The following TSGA10 variants were observed in gnomAD, a reference collection of about 807,000 sequenced individuals.
The protein encoded by TSGA10 is testis specific 10.
Under a neutral mutation model 96.6 loss-of-function variants are expected in TSGA10, and 43 were observed. The observed-to-expected ratio is 0.44, with a 90% confidence interval of 0.35 to 0.57. TSGA10 has a LOEUF of 0.57. Among genes scored for constraint, TSGA10 ranks in the 20% least tolerant of loss-of-function variants. The pLI is 0.01. For missense variants in TSGA10, 703 were observed against 834.4 expected, an observed-to-expected ratio of 0.84 and a Z score of 1.94; for synonymous variants, 229 against 269.9, an observed-to-expected ratio of 0.85 and a Z score of 1.48.
At chr2:99,034,978 T>C (rs906717720) in intron 17 of TSGA10, among the ~76,000 whole-genome samples, 3 of 152,172 alleles carry the variant, frequency 2.0e-5, no homozygotes, top group African/African-American at 7.2e-5. Flanking sequence ...CTGATCGCTA[T>C]GTCAATGTGT....
chr2:99,040,753 A>C (rs1346480743), intron 16 of TSGA10, among the ~76,000 whole-genome samples: 2 of 152,034 alleles, frequency 1.3e-5, no homozygotes, highest in Non-Finnish European at 2.9e-5. Context: ...TCTTCATAGA[A>C]CCAGAAAAAA....
intron 10 of TSGA10, among the ~76,000 whole-genome samples, chr2:99,088,682 C>G (rs2104662596): frequency 6.6e-6 from 1 of 152,284 alleles, no homozygotes; most frequent in South Asian, 2.1e-4. Context: ...TAATTCCACT[C>G]TTATTTATTC....
intron 12 of TSGA10, among the ~76,000 whole-genome samples, chr2:99,074,305 C>T (rs1319670293): frequency 1.3e-5 from 2 of 151,304 alleles, no homozygotes; most frequent in African/African-American, 2.4e-5. Flanking sequence ...TAAGCCACTG[C>T]GCCCGGCCGT....
chr2:99,032,303 G>C (rs1429891456), intron 17 of TSGA10, among the ~76,000 whole-genome samples: 1 of 152,092 alleles, frequency 6.6e-6, no homozygotes, highest in Admixed American at 6.5e-5. Context: ...CCTTTGAAAA[G>C]GGCAAAAGAC....
chr2:99,131,430 C>G (rs1025388809), intron 1 of TSGA10, among the ~76,000 whole-genome samples: 3 of 151,874 alleles, frequency 2.0e-5, no homozygotes, highest in Non-Finnish European at 4.4e-5. Context: ...TTGTCTATTA[C>G]TGGTGTATAG....
At chr2:99,074,000 C>CTTTTTTTTTTTT (rs1167854716) in intron 12 of TSGA10, among the ~76,000 whole-genome samples, 843 of 52,626 alleles carry the variant, frequency 0.016, 155 homozygotes, top group Non-Finnish European at 0.019. Flanking sequence ...TGTTTCTTTT[C>CTTTTTTTTTTTT]TTTTTTTTTT....
intron 1 of TSGA10, chr2:99,141,246 G>C: frequency 1.1e-6 from 1 of 929,502 alleles, no homozygotes; most frequent in Non-Finnish European, 1.4e-6. Flanking sequence ...TCCTGGCCCC[G>C]CCCCGGCGGA....
intron 16 of TSGA10, among the ~76,000 whole-genome samples, chr2:99,049,069 G>A (rs2083108284): frequency 6.6e-6 from 1 of 152,218 alleles, no homozygotes; most frequent in Non-Finnish European, 1.5e-5. Context: ...TCATTAAAAT[G>A]TCAGGAAACA....
chr2:99,090,298 A>G (rs1031328028), intron 10 of TSGA10, among the ~76,000 whole-genome samples: 1 of 152,208 alleles, frequency 6.6e-6, no homozygotes, highest in African/African-American at 2.4e-5. Context: ...CCTCTGACAT[A>G]GCCTACCCAA....
intron 20 of TSGA10, among the ~76,000 whole-genome samples, chr2:99,006,437 G>A (rs28840097): frequency 0.072 from 10,998 of 151,810 alleles, 798 homozygotes; most frequent in East Asian, 0.21. Context: ...GAACTCAAAC[G>A]AATTTACAAG....
intron 2 of TSGA10, among the ~76,000 whole-genome samples, chr2:99,120,234 A>G (rs1174124842): frequency 6.6e-6 from 1 of 152,186 alleles, no homozygotes; most frequent in Non-Finnish European, 1.5e-5. Flanking sequence ...AAAACAAATT[A>G]TTAGTAATAT....
chr2:99,095,416 TA>T (rs1017898402), intron 10 of TSGA10, among the ~76,000 whole-genome samples: 2 of 151,800 alleles, frequency 1.3e-5, no homozygotes, highest in African/African-American at 2.4e-5. Context: ...TAAAATAAAA[TA>T]AAAAATAAAA....
intron 12 of TSGA10, among the ~76,000 whole-genome samples, chr2:99,075,118 C>T (rs1216277959): frequency 6.6e-6 from 1 of 152,092 alleles, no homozygotes; most frequent in Non-Finnish European, 1.5e-5. Flanking sequence ...ATAACATATA[C>T]TCTTAGCCTA....
chr2:99,046,907 TAGAG>T (rs372336415), intron 16 of TSGA10, among the ~76,000 whole-genome samples: 3,551 of 152,188 alleles, frequency 0.023, 47 homozygotes, highest in Non-Finnish European at 0.037. Flanking sequence ...ACTGATCCCA[TAGAG>T]ATAGAAACTA....
chr2:99,066,373 G>T (rs1574004464), intron 15 of TSGA10, among the ~76,000 whole-genome samples: 1 of 152,264 alleles, frequency 6.6e-6, no homozygotes, highest in East Asian at 1.9e-4. Flanking sequence ...TACTTGGAGG[G>T]TGCTTGTACA....
chr2:99,138,456 G>C (rs910847500), intron 1 of TSGA10, among the ~76,000 whole-genome samples: 2 of 152,150 alleles, frequency 1.3e-5, no homozygotes, highest in Non-Finnish European at 1.5e-5. Context: ...AAAGTGCCCA[G>C]CACAAAGGTG....
intron 10 of TSGA10, among the ~76,000 whole-genome samples, chr2:99,103,540 C>G (rs986468473): frequency 1.3e-5 from 2 of 152,190 alleles, no homozygotes; most frequent in African/African-American, 4.8e-5. Context: ...TCCTATTTCT[C>G]TGTTACGGCT....
At position 98,997,960 on chromosome 2, in the gene TSGA10, G is replaced by T. The variant is rs1319257691; in HGVS notation, c.*237C>A. The T allele has an allele frequency of 2.4e-6, 1 of 411,404 alleles. No individual in the cohort carries two copies. 25.5% of individuals were successfully genotyped at this position (411,404 alleles called of 1,614,324 possible). A position where few individuals can be genotyped will look rare whatever the true frequency, so the allele number is the denominator to read the frequency against. On this transcript the variant is annotated 3_prime_UTR_variant, in exon 21 of 21. Transcript: ENST00000393483. ...ATAGTGTTCAATAGTGAAGTAAGCAGATTTTACACTCACTATCACTGCATG... is the reference window on the plus strand; with the variant it reads ...ATAGTGTTCAATAGTGAAGTAAGCATATTTTACACTCACTATCACTGCATG...
chr2:99,013,426 G>C (rs1234394591), intron 20 of TSGA10, among the ~76,000 whole-genome samples: 1 of 151,902 alleles, frequency 6.6e-6, no homozygotes, highest in Non-Finnish European at 1.5e-5. Flanking sequence ...TCCACCCCCT[G>C]GGTTCACACT....
Sources: gnomAD v4.1 joint callset for allele counts (sites outside exome capture counted in the v4.1 genomes callset) on GRCh38, gnomAD v4.1.1 for gene constraint, MANE v1.5 for transcripts, NCBI Gene and HGNC (gene_info 2026-07-23, HGNC 2026-07-21) for gene names.